The following MACROD2 variants were observed in gnomAD, a reference collection of about 807,000 sequenced individuals.
The protein encoded by MACROD2 is ADP-ribose glycohydrolase MACROD2.
MACROD2 carries 36 observed loss-of-function variants against 70.4 expected under a neutral mutation model. That is an observed-to-expected ratio of 0.51 (90% CI 0.39 to 0.68). The LOEUF (loss-of-function observed/expected upper bound fraction) is 0.68. MACROD2 is among the 30% of genes least tolerant of loss of function. The pLI, the probability that MACROD2 is intolerant of heterozygous loss-of-function variation, is 0.00. For synonymous variants in MACROD2, 172 were observed against 178.8 expected, an observed-to-expected ratio of 0.96 and a Z score of 0.30; for missense variants, 496 against 538.4, an observed-to-expected ratio of 0.92 and a Z score of 0.78.
At chr20:15,903,864 G>A (rs951572691) in intron 10 of MACROD2, among the ~76,000 whole-genome samples, 3 of 152,220 alleles carry the variant, frequency 2.0e-5, no homozygotes, top group Non-Finnish European at 4.4e-5. Flanking sequence ...CTTGATCCAA[G>A]TAGCAGCGAA....
chr20:14,404,884 A>G (rs1386880646), intron 3 of MACROD2, among the ~76,000 whole-genome samples: 1 of 152,116 alleles, frequency 6.6e-6, no homozygotes, highest in Non-Finnish European at 1.5e-5. Flanking sequence ...TATGGACTGA[A>G]GTCACTAATT....
intron 4 of MACROD2, among the ~76,000 whole-genome samples, chr20:14,539,158 C>G (rs2085401575): frequency 6.6e-6 from 1 of 152,178 alleles, no homozygotes; most frequent in Admixed American, 6.5e-5. Context: ...TTATGTGACT[C>G]TGTTCAAAAT....
chr20:15,797,512 T>C (rs1600906280), intron 8 of MACROD2, among the ~76,000 whole-genome samples: 2 of 146,632 alleles, frequency 1.4e-5, no homozygotes, highest in East Asian at 4.2e-4. Context: ...AGCTCAAGGC[T>C]CATCATCGGA....
intron 3 of MACROD2, among the ~76,000 whole-genome samples, chr20:14,402,819 C>T (rs1055405219): frequency 1.3e-5 from 2 of 152,074 alleles, no homozygotes; most frequent in Middle Eastern, 3.2e-3. Flanking sequence ...TCAGTTTGCT[C>T]ATGTTGTTAG....
chr20:14,784,766 C>T (rs1166752638), intron 5 of MACROD2, among the ~76,000 whole-genome samples: 3 of 150,578 alleles, frequency 2.0e-5, no homozygotes, highest in East Asian at 3.9e-4. Flanking sequence ...AAATTAAAGT[C>T]CTTTATTAGA....
At chr20:15,676,560 C>CA (rs1245622650) in intron 8 of MACROD2, among the ~76,000 whole-genome samples, 1 of 152,180 alleles carries the variant, frequency 6.6e-6, no homozygotes, top group East Asian at 1.9e-4. Flanking sequence ...TACCTCCAGT[C>CA]AAAATCATCA....
intron 3 of MACROD2, among the ~76,000 whole-genome samples, chr20:14,328,613 T>G (rs2082777367): frequency 6.6e-6 from 1 of 152,072 alleles, no homozygotes; most frequent in Admixed American, 6.6e-5. Flanking sequence ...TTTGCGGGGG[T>G]GAATATCCAA....
At chr20:15,167,042 A>G (rs2145882637) in intron 5 of MACROD2, among the ~76,000 whole-genome samples, 1 of 151,954 alleles carries the variant, frequency 6.6e-6, no homozygotes, top group African/African-American at 2.4e-5. Context: ...TACTAAAATT[A>G]TTCTCTGATG....
chr20:14,885,489 T>A (rs1436797864), intron 5 of MACROD2, among the ~76,000 whole-genome samples: 1 of 152,172 alleles, frequency 6.6e-6, no homozygotes, highest in East Asian at 1.9e-4. Context: ...CCTCCAGCCT[T>A]ACCCCTTTTT....
chr20:14,169,158 T>C (rs1317916593), intron 3 of MACROD2, among the ~76,000 whole-genome samples: 1 of 152,324 alleles, frequency 6.6e-6, no homozygotes, highest in East Asian at 1.9e-4. Context: ...CCAGTATCCC[T>C]TTATGACAAA....
intron 13 of MACROD2, among the ~76,000 whole-genome samples, chr20:15,976,980 C>T (rs779989630): frequency 3.9e-5 from 6 of 152,152 alleles, no homozygotes; most frequent in Non-Finnish European, 8.8e-5. Context: ...TTCAGCAGTG[C>T]CCCAGGCTCT....
chr20:14,155,425 G>T (rs1045427668), intron 3 of MACROD2, among the ~76,000 whole-genome samples: 1 of 151,996 alleles, frequency 6.6e-6, no homozygotes, highest in Non-Finnish European at 1.5e-5. Flanking sequence ...CTTCCCATCG[G>T]TATGCTATTT....
At chr20:14,034,127 A>G (rs2053279355) in intron 2 of MACROD2, among the ~76,000 whole-genome samples, 1 of 151,352 alleles carries the variant, frequency 6.6e-6, no homozygotes, top group Non-Finnish European at 1.5e-5. Flanking sequence ...GCCCGCCACC[A>G]CACCAGGCTA....
At chr20:15,953,238 AG>A (rs2065931342) in intron 12 of MACROD2, among the ~76,000 whole-genome samples, 1 of 152,124 alleles carries the variant, frequency 6.6e-6, no homozygotes, top group Non-Finnish European at 1.5e-5. Flanking sequence ...GGATAGAAAG[AG>A]ATGTGTTAAA....
intron 8 of MACROD2, among the ~76,000 whole-genome samples, chr20:15,501,693 T>C (rs1568852344): frequency 6.6e-6 from 1 of 152,204 alleles, no homozygotes; most frequent in Non-Finnish European, 1.5e-5. Context: ...ACATATCCTG[T>C]ACTGATTCCC....
chr20:15,897,118 C>A (rs2064984763), intron 10 of MACROD2, among the ~76,000 whole-genome samples: 1 of 152,034 alleles, frequency 6.6e-6, no homozygotes, highest in Non-Finnish European at 1.5e-5. Context: ...TCTACAGGTT[C>A]CTTTAGTGAA....
In MACROD2 at chr20:16,052,975, T is replaced by C. The variant is rs6080109; in HGVS notation, c.*3099T>C. 10,988 of 152,226 alleles carry C rather than the reference T, an allele frequency of 0.072. 529 individuals are homozygous for C. The highest frequency in any genetic ancestry group is 0.14 in the East Asian group (749 of 5,172). The allele number at this position is 152,226 out of a possible 1,614,324, so 9.4% of individuals were successfully genotyped here. ...TTACTTAATGCAAATAAATGTAGTC[T>C]GTTGCTTGCAAGGAAAAAAAAATGG... is the stretch of plus-strand genomic sequence containing the variant. On this transcript the variant is annotated 3_prime_UTR_variant, in exon 18 of 18. Coordinates refer to ENST00000684519, the MANE Select transcript of MACROD2 (RefSeq NM_001351661.2).
rs370620760 is a variant in MACROD2, at chr20:15,317,131, T to C, written c.540+87070T>C. ...AGATCTCAAATCAATAATCCAATTT[T>C]GCACTTTAAGAAAGTAGAAAACAAT... On this transcript the variant is annotated intron_variant, in intron 6 of 17. Coordinates refer to ENST00000684519, the MANE Select transcript of MACROD2 (RefSeq NM_001351661.2). Among the ~76,000 whole-genome samples the C allele has an allele frequency of 1.1e-3, 163 of 152,150 alleles. 3 individuals are homozygous for C. The highest frequency in any genetic ancestry group is 3.8e-3 in the African/African-American group (157 of 41,530).
At chr20:15,622,755 A>G (rs1245201225) in intron 8 of MACROD2, among the ~76,000 whole-genome samples, 1 of 152,268 alleles carries the variant, frequency 6.6e-6, no homozygotes, top group Non-Finnish European at 1.5e-5. Flanking sequence ...CAGTACAATA[A>G]GGTATTTTGA....
Sources: gnomAD v4.1 joint callset for allele counts (sites outside exome capture counted in the v4.1 genomes callset) on GRCh38, gnomAD v4.1.1 for gene constraint, MANE v1.5 for transcripts, NCBI Gene and HGNC (gene_info 2026-07-23, HGNC 2026-07-21) for gene names.